The following DNAH9 variants were observed in gnomAD, a reference collection of about 807,000 sequenced individuals.
DNAH9 encodes dynein axonemal heavy chain 9, also known as DNAH9 variant protein.
Under a neutral mutation model 471.6 loss-of-function variants are expected in DNAH9, and 345 were observed. The ratio of observed to expected loss-of-function variants is 0.73; its 90% CI spans 0.67 to 0.80. DNAH9 has a LOEUF of 0.80. DNAH9 is among the 30% of genes least tolerant of loss of function. DNAH9 has a pLI of 0.00. For missense variants in DNAH9, 5,407 were observed against 5,609.2 expected (o/e 0.96, Z 1.15); for synonymous variants, 2,093 against 2,123.6 (o/e 0.99, Z 0.40).
In DNAH9 at chr17:11,784,441, G is replaced by A; in HGVS notation, c.7963G>A (p.Ala2655Thr). The A allele has an allele frequency of 6.2e-7, 1 of 1,614,058 alleles. No homozygotes were observed. The highest frequency in any genetic ancestry group is 1.1e-5 in the South Asian group (1 of 91,070). The change falls in exon 41 of 69, where the codon GCC becomes ACC. Residue 2655 changes from alanine to threonine, a missense_variant. By Grantham distance (58) the Ala-to-Thr change is moderately conservative. Coordinates refer to ENST00000262442, the MANE Select transcript of DNAH9 (RefSeq NM_001372.4). The stretch of plus-strand genomic sequence containing the variant: ...ATCCATCCCCCCACTGATCGATCTG[G>A]CCCTCGCCTTCCACCAGAAAATTGC... ...QKSIPPLIDLALAFHQKIATT... is the reference protein window; with the variant it reads ...QKSIPPLIDLTLAFHQKIATT...
chr17:11,924,835 G>T (rs1974265296), intron 62 of DNAH9, among the ~76,000 whole-genome samples: 1 of 151,938 alleles, frequency 6.6e-6, no homozygotes, highest in Non-Finnish European at 1.5e-5. Flanking sequence ...TGTTGGCCAG[G>T]CTTGTCTTGA....
At position 11,854,148 on chromosome 17, in the gene DNAH9, T is replaced by G. The variant is rs769331794; in HGVS notation, c.9653T>G (p.Val3218Gly). 6.2e-7 allele frequency: 1 copy of G among 1,614,122 alleles called. No homozygotes were observed. Among genetic ancestry groups the G allele is most frequent in the Non-Finnish European group, 8.5e-7 (1 of 1,180,016 alleles). Residue 3218 changes from valine to glycine, a missense_variant, in exon 50 of 69, where the codon GTG becomes GGG. Around this residue, in one of 3 missense-constraint regions of DNAH9, gnomAD observed 4,636 missense variants for 4,900.3 expected, o/e 0.95. Coordinates refer to ENST00000262442, the MANE Select transcript of DNAH9 (RefSeq NM_001372.4). Reference protein sequence around the residue: ...WKAAKVTMAKVDGFLDSLINF... With the variant: ...WKAAKVTMAKGDGFLDSLINF... The stretch of plus-strand genomic sequence containing the variant: ...GCTGCTAAGGTCACCATGGCCAAAG[T>G]GGATGGCTTCCTGGACTCGCTAATA...
At chr17:11,718,850 G>C (rs2075008259) in intron 26 of DNAH9, among the ~76,000 whole-genome samples, 1 of 152,138 alleles carries the variant, frequency 6.6e-6, no homozygotes, top group African/African-American at 2.4e-5. Context: ...CCAGTGTTGG[G>C]GGATCCAGGA....
Position 11,704,301 on chromosome 17 carries a change from T to C in DNAH9, c.5250T>C (p.Tyr1750=). Reference sequence around the variant, plus strand: ...ATGAGAGTGCCATGAAGGACTATTATAAGAAGCAAGTGGCCCAGCTCAAAA... The same window carrying C: ...ATGAGAGTGCCATGAAGGACTATTACAAGAAGCAAGTGGCCCAGCTCAAAA... The part of the protein sequence containing the change: ...EGYESAMKDY[Y]KKQVAQLKTL... The change falls in exon 25 of 69, where the codon TAT becomes TAC. Residue 1750 remains tyrosine, a synonymous_variant. Coordinates refer to ENST00000262442, the MANE Select transcript of DNAH9 (RefSeq NM_001372.4). 6.2e-7 allele frequency: 1 copy of C among 1,614,130 alleles called. No homozygotes were observed. The highest frequency in any genetic ancestry group is 1.7e-5 in the Admixed American group (1 of 60,024).
At position 11,704,297 on chromosome 17, in the gene DNAH9, A is replaced by G; in HGVS notation, c.5246A>G (p.Tyr1749Cys). ...GGCTATGAGAGTGCCATGAAGGACT[A>G]TTATAAGAAGCAAGTGGCCCAGCTC... ...EEGYESAMKD[Y>C]YKKQVAQLKT... Residue 1749 changes from tyrosine to cysteine, a missense_variant, in exon 25 of 69, where the codon TAT becomes TGT. Physicochemically the swap from Tyr to Cys is radical, Grantham distance 194 (BLOSUM62 -2). Coordinates refer to ENST00000262442, the MANE Select transcript of DNAH9 (RefSeq NM_001372.4). 1.2e-6 allele frequency: 2 copies of G among 1,614,170 alleles called. No homozygotes were observed. The highest frequency in any genetic ancestry group is 1.7e-6 in the Non-Finnish European group (2 of 1,180,032).
In DNAH9 at chr17:11,680,857, C is replaced by G. The variant is rs1183931965; in HGVS notation, c.3711C>G (p.Phe1237Leu). The change falls in exon 19 of 69, where the codon TTC becomes TTG. Residue 1237 changes from phenylalanine to leucine, a missense_variant. Phe to Leu is a conservative substitution (Grantham distance 22). Coordinates refer to ENST00000262442, the MANE Select transcript of DNAH9 (RefSeq NM_001372.4). Reference sequence around the variant, plus strand: ...CCTTCGATGCAGAACAGCAGCAATTCTGGGAGCAATTCCACAAAGAAGCCC... The same window carrying G: ...CCTTCGATGCAGAACAGCAGCAATTGTGGGAGCAATTCCACAAAGAAGCCC... ...CTAFDAEQQQ[F>L]WEQFHKEAPF... The G allele has an allele frequency of 6.2e-7, 1 of 1,613,002 alleles. No homozygotes were observed. The highest frequency in any genetic ancestry group is 8.5e-7 in the Non-Finnish European group (1 of 1,179,554).
At chr17:11,656,570 G>A (rs1021666491) in intron 14 of DNAH9, among the ~76,000 whole-genome samples, 4 of 152,202 alleles carry the variant, frequency 2.6e-5, no homozygotes, top group African/African-American at 9.6e-5. Flanking sequence ...GGATATTTGG[G>A]TACAGTTGGT....
rs767875365 is a variant in DNAH9, at chr17:11,854,058, T to G, written c.9563T>G (p.Val3188Gly). 1 of 1,614,162 alleles carries G rather than the reference T, an allele frequency of 6.2e-7. No homozygotes were observed. Among genetic ancestry groups the G allele is most frequent in the Admixed American group, 1.7e-5 (1 of 60,016 alleles). The change falls in exon 50 of 69, where the codon GTC (valine) becomes GGC (glycine). Residue 3188 changes from valine (V) to glycine (G), a missense_variant. By Grantham distance (109) the Val-to-Gly change is moderately radical. Transcript: ENST00000262442. ...TCTCCGCCTCTGGCCGTCAGCAATG[T>G]CAGCGCTGCGGTGATGGTACTGATG... is the stretch of plus-strand genomic sequence containing the variant. ...FGSPPLAVSN[V>G]SAAVMVLMAP... is the part of the protein sequence containing the mutation.
chr17:11,801,223 G>A (rs1298156177), intron 43 of DNAH9, among the ~76,000 whole-genome samples: 9 of 152,284 alleles, frequency 5.9e-5, no homozygotes, highest in African/African-American at 2.2e-4. Context: ...GTGCAATCTG[G>A]CTCCAGAGTC....
chr17:11,687,682 T>C (rs2074263006), intron 19 of DNAH9, among the ~76,000 whole-genome samples: 1 of 152,118 alleles, frequency 6.6e-6, no homozygotes, highest in Non-Finnish European at 1.5e-5. Context: ...AAACATACCA[T>C]TCTCCCTTAA....
chr17:11,788,649 C>G (rs763411442), intron 41 of DNAH9, among the ~76,000 whole-genome samples: 4 of 152,056 alleles, frequency 2.6e-5, no homozygotes, highest in Non-Finnish European at 5.9e-5. Context: ...ATATGTGTAT[C>G]TCTATTTTTA....
chr17:11,661,185 A>C (rs976501188), intron 14 of DNAH9, among the ~76,000 whole-genome samples: 4 of 152,054 alleles, frequency 2.6e-5, no homozygotes, highest in Non-Finnish European at 5.9e-5. Flanking sequence ...TTTTATTTCT[A>C]AAAATACCCT....
At chr17:11,942,668 C>A (rs1362562233) in intron 67 of DNAH9, among the ~76,000 whole-genome samples, 183 bp downstream of exon 67, 2 of 152,174 alleles carry the variant, frequency 1.3e-5, no homozygotes, top group East Asian at 1.9e-4. Context: ...TCTACAAGAA[C>A]CAAGATGTTA....
chr17:11,607,693 C>T (rs2072539126), intron 1 of DNAH9, among the ~76,000 whole-genome samples: 2 of 152,124 alleles, frequency 1.3e-5, no homozygotes, highest in African/African-American at 4.8e-5. Flanking sequence ...CCTCAACCTC[C>T]CGAGTAGCTG....
intron 42 of DNAH9, 51 bp from the exon 43 acceptor site, chr17:11,797,546 C>G (rs1381563123): frequency 6.7e-7 from 1 of 1,482,136 alleles, no homozygotes; most frequent in Non-Finnish European, 9.2e-7. Context: ...TCTGTGGAAC[C>G]AGCCCCAGAA....
intron 42 of DNAH9, among the ~76,000 whole-genome samples, chr17:11,795,125 ACT>A (rs1042493759): frequency 1.1e-4 from 17 of 152,046 alleles, no homozygotes; most frequent in Non-Finnish European, 1.9e-4. Flanking sequence ...ATCTTGAATA[ACT>A]CTAATTCACA....
intron 61 of DNAH9, among the ~76,000 whole-genome samples, chr17:11,919,572 G>A (rs533323745): frequency 9.9e-5 from 15 of 151,492 alleles, no homozygotes; most frequent in African/African-American, 3.6e-4. Context: ...TAACATAGCC[G>A]GCTTCTGGAC....
At chr17:11,735,449 T>C (rs1202994806) in intron 28 of DNAH9, among the ~76,000 whole-genome samples, 1 of 152,144 alleles carries the variant, frequency 6.6e-6, no homozygotes. Context: ...TTTGTTTTCC[T>C]TTTTCAGATG....
At chr17:11,903,195 C>G (rs1045086688) in intron 60 of DNAH9, among the ~76,000 whole-genome samples, 20 of 152,088 alleles carry the variant, frequency 1.3e-4, no homozygotes, top group African/African-American at 3.9e-4. Flanking sequence ...AAAACTTAGC[C>G]TGGCATGGTG....
Sources: gnomAD v4.1 joint callset for allele counts (sites outside exome capture counted in the v4.1 genomes callset) on GRCh38, gnomAD v4.1.1 for gene constraint, gnomAD v4.1.1 regional missense constraint, MANE v1.5 for transcripts, NCBI Gene and HGNC (gene_info 2026-07-23, HGNC 2026-07-21) for gene names.